TEX11: variants seen among roughly 807,000 people sequenced by gnomAD.
TEX11 encodes the protein testis expressed 11.
A neutral mutation model predicts 84.4 loss-of-function variants in TEX11; 7 were observed. That is an observed-to-expected ratio of 0.08 (90% CI 0.05 to 0.16). The LOEUF (loss-of-function observed/expected upper bound fraction) is 0.16. Among genes scored for constraint, TEX11 ranks in the 10% least tolerant of loss-of-function variants. The pLI, the probability that TEX11 is intolerant of heterozygous loss-of-function variation, is 1.00. For missense variants in TEX11, 551 were observed against 660.5 expected (o/e 0.83, Z 1.82); for synonymous variants, 264 against 222.8 (o/e 1.18, Z -1.64).
intron 7 of TEX11, among the ~76,000 whole-genome samples, chrX:70,844,410 A>G (rs1228288355): frequency 1.1e-5 from 1 of 92,847 alleles, no homozygotes; most frequent in African/African-American, 4.1e-5. Flanking sequence ...GAATTGAACA[A>G]TGAGAACCCA....
chrX:70,776,669 A>G (rs951660738), intron 9 of TEX11, among the ~76,000 whole-genome samples: 4 of 111,371 alleles, frequency 3.6e-5, no homozygotes, highest in African/African-American at 1.3e-4. Flanking sequence ...AAAGACAAAT[A>G]TCATATGTTC....
intron 25 of TEX11, among the ~76,000 whole-genome samples, chrX:70,569,702 C>T (rs973136463): frequency 1.2e-4 from 13 of 111,851 alleles, no homozygotes; most frequent in East Asian, 2.8e-4. Context: ...GTACCAGCAG[C>T]GGTGGCTGCA....
At chrX:70,754,967 A>G (rs2090857308) in intron 9 of TEX11, among the ~76,000 whole-genome samples, 1 of 112,032 alleles carries the variant, frequency 8.9e-6, no homozygotes, top group African/African-American at 3.2e-5. Flanking sequence ...CACAACACTC[A>G]AGTCCTTCTG....
chrX:70,882,871 G>A (rs2091690425), intron 2 of TEX11, among the ~76,000 whole-genome samples: 1 of 111,728 alleles, frequency 9.0e-6, no homozygotes, highest in Non-Finnish European at 1.9e-5. Flanking sequence ...CATATATTTT[G>A]ATTTGTGAAT....
At chrX:70,645,380 T>A (rs1236151731) in intron 17 of TEX11, among the ~76,000 whole-genome samples, 1 of 110,939 alleles carries the variant, frequency 9.0e-6, no homozygotes, top group Non-Finnish European at 1.9e-5. Flanking sequence ...TCCTCTAAAA[T>A]AAGGAAGAAG....
chrX:70,537,675 T>C (rs1016597737), intron 28 of TEX11, among the ~76,000 whole-genome samples: 3 of 111,113 alleles, frequency 2.7e-5, no homozygotes, highest in Non-Finnish European at 5.7e-5. Flanking sequence ...GAACAGAGAA[T>C]AGATATGGGG....
intron 9 of TEX11, among the ~76,000 whole-genome samples, chrX:70,759,400 C>T (rs2090892724): frequency 9.0e-6 from 1 of 111,660 alleles, no homozygotes; most frequent in Non-Finnish European, 1.9e-5. Flanking sequence ...TCCAGCAGCA[C>T]ATCAAAAAGC....
chrX:70,638,221 G>T, intron 17 of TEX11, among the ~76,000 whole-genome samples: 2 of 110,943 alleles, frequency 1.8e-5, no homozygotes, highest in Middle Eastern at 4.6e-3. Context: ...CAACATAAAA[G>T]AGAGGATCCT....
chrX:70,645,185 G>A lies in TEX11; in HGVS notation c.1483+6265C>T, dbSNP rs766758555. ...TCTAAGAAAAGCTCAGGATCTGATG[G>A]TGTCACTGCTCCTACCAAACGTTTA... is the stretch of plus-strand genomic sequence containing the variant. On this transcript the variant is annotated intron_variant, in intron 17 of 29. Coordinates refer to ENST00000374333, the MANE Select transcript of TEX11 (RefSeq NM_031276.3). 2.8e-4 allele frequency among the ~76,000 whole-genome samples: 31 copies of A among 110,265 alleles called. No homozygotes were observed. The Admixed American group carries it at 2.9e-3, about 10-fold the overall frequency.
intron 9 of TEX11, among the ~76,000 whole-genome samples, chrX:70,744,905 G>A (rs2090759032): frequency 9.5e-6 from 1 of 105,635 alleles, no homozygotes; most frequent in Admixed American, 1.1e-4. Flanking sequence ...ATTTTTAGTA[G>A]AGATAGGGTT....
intron 9 of TEX11, among the ~76,000 whole-genome samples, chrX:70,747,205 T>C (rs762740929): frequency 8.9e-6 from 1 of 111,849 alleles, no homozygotes; most frequent in Admixed American, 9.5e-5. Context: ...TAAACAAACA[T>C]ACATCCAGGA....
chrX:70,787,758 T>C (rs777138214), intron 9 of TEX11, among the ~76,000 whole-genome samples: 22 of 111,729 alleles, frequency 2.0e-4, no homozygotes, highest in Non-Finnish European at 3.4e-4. Context: ...GACAACATGA[T>C]TTTATATTAG....
chrX:70,678,762 G>T, intron 15 of TEX11, 42 bp downstream of exon 15: 1 of 1,071,278 alleles, frequency 9.3e-7, no homozygotes, highest in Non-Finnish European at 1.3e-6. Context: ...ATTTTTTGTT[G>T]CAGTGGAGAA....
chrX:70,726,878 G>A (rs1485618688), intron 11 of TEX11, among the ~76,000 whole-genome samples: 2 of 107,772 alleles, frequency 1.9e-5, no homozygotes, highest in Non-Finnish European at 3.8e-5. Context: ...CTGTCTCCCA[G>A]GCTGGAGTGC....
intron 8 of TEX11, among the ~76,000 whole-genome samples, chrX:70,824,365 T>G (rs2091333800): frequency 8.9e-6 from 1 of 112,300 alleles, no homozygotes; most frequent in Admixed American, 9.5e-5. Context: ...TATTCAATTT[T>G]GGTTTTTATT....
rs1034020282 is a variant in TEX11 at position 70,656,377 on chromosome X, G to A, written c.1381-4825C>T. On this transcript the variant is annotated intron_variant, in intron 16 of 29. Transcript: ENST00000374333. Reference sequence around the variant, plus strand: ...CAGGAAGTTGAGGATGCTGTGAGCTGTGTTTACACCACTGCACTCCAGCCT... The same window carrying A: ...CAGGAAGTTGAGGATGCTGTGAGCTATGTTTACACCACTGCACTCCAGCCT... Among the ~76,000 whole-genome samples the A allele has an allele frequency of 3.6e-5, 4 of 110,649 alleles. No homozygotes were observed. In the South Asian group the frequency reaches 1.5e-3, roughly 43 times the overall value.
chrX:70,526,564 G>A (rs1210129573), downstream of TEX11, among the ~76,000 whole-genome samples: 9 of 97,995 alleles, frequency 9.2e-5, no homozygotes, highest in East Asian at 3.3e-4. Context: ...GCAAGACTCC[G>A]TCTAAAAAAA....
At chrX:70,837,123 T>C (rs894805865) in intron 7 of TEX11, among the ~76,000 whole-genome samples, 3 of 112,330 alleles carry the variant, frequency 2.7e-5, no homozygotes, top group Non-Finnish European at 5.6e-5. Flanking sequence ...ATATACCCTT[T>C]ATGTCCACAC....
chrX:70,774,198 G>A lies in TEX11; in HGVS notation c.693-29979C>T, dbSNP rs2090988004. On this transcript the variant is annotated intron_variant, in intron 9 of 29. Coordinates refer to ENST00000374333, the MANE Select transcript of TEX11 (RefSeq NM_031276.3). ...GCAGCACCAGGGCTCGGGTGGGAGT[G>A]AAGCACAAACTACAAAGAATAAATG... is the stretch of plus-strand genomic sequence containing the variant. 5.6e-5 allele frequency among the ~76,000 whole-genome samples: 6 copies of A among 106,669 alleles called. No individual in the cohort carries two copies. In the South Asian group the frequency reaches 2.6e-3, roughly 47 times the overall value. 92.6% of individuals were successfully genotyped at this position (106,669 alleles called of 115,157 possible). A position where few individuals can be genotyped will look rare whatever the true frequency, so the allele number is the denominator to read the frequency against.
Sources: gnomAD v4.1 joint callset for allele counts (sites outside exome capture counted in the v4.1 genomes callset) on GRCh38, gnomAD v4.1.1 for gene constraint, MANE v1.5 for transcripts, NCBI Gene and HGNC (gene_info 2026-07-23, HGNC 2026-07-21) for gene names.